SORCS2: variants seen among roughly 807,000 people sequenced by gnomAD.
The protein encoded by SORCS2 is VPS10 domain-containing receptor SorCS2.
A neutral mutation model predicts 141.6 loss-of-function variants in SORCS2; 100 were observed. The observed-to-expected ratio is 0.71, with a 90% CI of 0.60 to 0.83. The LOEUF is 0.83. SORCS2 is among the 40% of genes least tolerant of loss of function. The pLI is 0.00. For missense variants in SORCS2, 1,646 were observed against 1,560.2 expected (o/e 1.05, Z -0.93); for synonymous variants, 789 against 676.9 (o/e 1.17, Z -2.57).
intron 1 of SORCS2, among the ~76,000 whole-genome samples, chr4:7,252,435 G>T (rs948680621): frequency 4.1e-4 from 63 of 152,346 alleles, no homozygotes; most frequent in African/African-American, 1.4e-3. Context: ...CAGGAGGGTG[G>T]TCCGTGCTTC....
At chr4:7,525,523 G>A (rs1410112354) in intron 2 of SORCS2, among the ~76,000 whole-genome samples, 1 of 151,974 alleles carries the variant, frequency 6.6e-6, no homozygotes, top group Non-Finnish European at 1.5e-5. Context: ...CAAGCAGCAT[G>A]GCACCTGAGC....
At chr4:7,555,020 G>A (rs962593525) in intron 3 of SORCS2, among the ~76,000 whole-genome samples, 3 of 152,160 alleles carry the variant, frequency 2.0e-5, no homozygotes, top group Non-Finnish European at 2.9e-5. Flanking sequence ...CAGCCCAGCC[G>A]TTCACCTGGC....
Position 7,661,547 on chromosome 4 carries a change from C to A in SORCS2, c.935C>A (p.Ala312Asp). The change falls in exon 6 of 27, where the codon GCC becomes GAC. Residue 312 changes from alanine (A) to aspartate (D), a missense_variant. Coordinates refer to ENST00000507866, the MANE Select transcript of SORCS2 (RefSeq NM_020777.3). The part of the protein sequence containing the change: ...DADPDLVHVE[A>D]QDLGGDFRYV... Reference sequence around the variant, plus strand: ...GACCCTGACTTGGTCCACGTGGAAGCCCAAGACCTCGGTGGAGGTAAGCCG... The same window carrying A: ...GACCCTGACTTGGTCCACGTGGAAGACCAAGACCTCGGTGGAGGTAAGCCG... The A allele has an allele frequency of 6.4e-7, 1 of 1,551,934 alleles. No homozygotes were observed. Among genetic ancestry groups the A allele is most frequent in the East Asian group, 2.4e-5 (1 of 40,960 alleles).
At chr4:7,575,034 C>T (rs1402975175) in intron 3 of SORCS2, among the ~76,000 whole-genome samples, 3 of 152,230 alleles carry the variant, frequency 2.0e-5, no homozygotes, top group Non-Finnish European at 4.4e-5. Flanking sequence ...GAGAGGGTCT[C>T]TGCTATGAGG....
chr4:7,453,736 CTG>C (rs1728660596), intron 2 of SORCS2, among the ~76,000 whole-genome samples: 3 of 117,998 alleles, frequency 2.5e-5, no homozygotes, highest in African/African-American at 3.5e-5. Flanking sequence ...GGGTCAGGAG[CTG>C]TGTGTTGGGG....
chr4:7,698,861 T>TG (rs1724874876), intron 12 of SORCS2, among the ~76,000 whole-genome samples: 1 of 150,246 alleles, frequency 6.7e-6, no homozygotes, highest in East Asian at 2.0e-4. Context: ...GGGTTTTTTT[T>TG]TAAGTTTCTT....
intron 1 of SORCS2, among the ~76,000 whole-genome samples, chr4:7,394,096 T>A (rs7356467): frequency 6.6e-6 from 1 of 150,802 alleles, no homozygotes; most frequent in Non-Finnish European, 1.5e-5. Context: ...TTTGGCTTGG[T>A]CGGTTGAAGC....
chr4:7,651,144 C>T lies in SORCS2; in HGVS notation c.814-2990C>T, dbSNP rs746152211. Reference sequence around the variant, plus strand: ...AACATATTGAAATGCAAATGAACACCGAGCCAGAGTCAGAGGAGAGGCAAG... The same window carrying T: ...AACATATTGAAATGCAAATGAACACTGAGCCAGAGTCAGAGGAGAGGCAAG... On this transcript the variant is annotated intron_variant, in intron 4 of 26. Coordinates refer to ENST00000507866, the MANE Select transcript of SORCS2 (RefSeq NM_020777.3). Among the ~76,000 whole-genome samples, 139 of 152,198 alleles carry T rather than the reference C, an allele frequency of 9.1e-4. 2 individuals carry two copies. Among genetic ancestry groups the T allele is most frequent in the South Asian group, 6.2e-4 (3 of 4,828 alleles).
At chr4:7,242,222 C>T (rs567515696) in intron 1 of SORCS2, among the ~76,000 whole-genome samples, 4 of 152,186 alleles carry the variant, frequency 2.6e-5, no homozygotes, top group South Asian at 2.1e-4. Context: ...TTTTAAAAGA[C>T]AGGGTCTCAT....
chr4:7,410,125 G>A (rs1160348232), intron 2 of SORCS2, among the ~76,000 whole-genome samples: 1 of 152,230 alleles, frequency 6.6e-6, no homozygotes, highest in Non-Finnish European at 1.5e-5. Flanking sequence ...GCCTTCTGCA[G>A]AGTGTCTTAC....
chr4:7,303,079 C>A (rs924298708), intron 1 of SORCS2, among the ~76,000 whole-genome samples: 4 of 152,102 alleles, frequency 2.6e-5, no homozygotes. Flanking sequence ...CTCCTCCATG[C>A]ACACAAAACA....
intron 18 of SORCS2, among the ~76,000 whole-genome samples, chr4:7,720,279 G>A (rs1406460379): frequency 6.6e-6 from 1 of 152,042 alleles, no homozygotes; most frequent in South Asian, 2.1e-4. Context: ...GTTTGACGTC[G>A]GTGCCAAAAC....
At chr4:7,647,563 G>T (rs1054103100) in intron 4 of SORCS2, among the ~76,000 whole-genome samples, 2 of 152,200 alleles carry the variant, frequency 1.3e-5, no homozygotes, top group African/African-American at 4.8e-5. Context: ...GAGAAGGGAC[G>T]TTTGCTGCAA....
At chr4:7,440,339 A>G (rs1727579870) in intron 2 of SORCS2, among the ~76,000 whole-genome samples, 1 of 152,210 alleles carries the variant, frequency 6.6e-6, no homozygotes, top group Non-Finnish European at 1.5e-5. Flanking sequence ...TGCTTCAAGG[A>G]CAGCCATCTT....
chr4:7,214,884 A>C (rs1254668279), intron 1 of SORCS2, among the ~76,000 whole-genome samples: 1 of 151,834 alleles, frequency 6.6e-6, no homozygotes, highest in African/African-American at 2.4e-5. Flanking sequence ...CATGGACTTG[A>C]GGGACAGTGG....
intron 2 of SORCS2, among the ~76,000 whole-genome samples, chr4:7,446,843 C>A (rs889016060): frequency 5.3e-5 from 8 of 152,208 alleles, no homozygotes; most frequent in Non-Finnish European, 7.3e-5. Context: ...CCTGGAGAAA[C>A]CACTAAGCCA....
At chr4:7,646,973 C>T (rs913508084) in intron 4 of SORCS2, among the ~76,000 whole-genome samples, 3 of 152,236 alleles carry the variant, frequency 2.0e-5, no homozygotes, top group African/African-American at 7.2e-5. Context: ...TTGGTGGGAA[C>T]AGGGCCCAGG....
chr4:7,656,880 G>A (rs1169171738), intron 5 of SORCS2, among the ~76,000 whole-genome samples: 1 of 152,222 alleles, frequency 6.6e-6, no homozygotes, highest in Non-Finnish European at 1.5e-5. Flanking sequence ...GCTGCCCTCA[G>A]CACAAATGGG....
chr4:7,593,122 G>A (rs1172411483), intron 3 of SORCS2, among the ~76,000 whole-genome samples: 1 of 152,044 alleles, frequency 6.6e-6, no homozygotes, highest in Non-Finnish European at 1.5e-5. Context: ...AGCCATGATC[G>A]CACCCCTGCA....
Sources: allele counts gnomAD v4.1 joint callset (sites outside exome capture counted in the v4.1 genomes callset), GRCh38; gene constraint gnomAD v4.1.1; transcripts MANE v1.5; gene names NCBI Gene and HGNC (gene_info 2026-07-23, HGNC 2026-07-21).